ROBO2: variants seen among roughly 807,000 people sequenced by gnomAD.
The protein encoded by ROBO2 is roundabout homolog 2.
ROBO2 carries 53 observed loss-of-function variants against 160.8 expected under a neutral mutation model. The ratio of observed to expected loss-of-function variants is 0.33; its 90% confidence interval spans 0.26 to 0.41. The LOEUF (loss-of-function observed/expected upper bound fraction) is 0.41, where lower values mean the gene tolerates loss of function less well. Among genes scored for constraint, ROBO2 ranks in the 10% least tolerant of loss-of-function variants. The pLI is 1.00. For synonymous variants in ROBO2, 664 were observed against 611.7 expected (o/e 1.09, Z -1.26); for missense variants, 1,577 against 1,722.4 (o/e 0.92, Z 1.49).
At chr3:77,578,761 A>G (rs78996056) in intron 15 of ROBO2, among the ~76,000 whole-genome samples, 2,669 of 152,156 alleles carry the variant, frequency 0.018, 75 homozygotes, top group African/African-American at 0.061. Flanking sequence ...GTAACAAATT[A>G]TCTACTCTGT....
At chr3:77,180,435 T>TATATATATATATATATA (rs1491200828) in intron 2 of ROBO2, among the ~76,000 whole-genome samples, 10 of 63,926 alleles carry the variant, frequency 1.6e-4, no homozygotes, top group Non-Finnish European at 2.5e-4. Flanking sequence ...TATATATGTA[T>TATATATATATATATATA]TTTTTTTTTT....
intron 2 of ROBO2, among the ~76,000 whole-genome samples, chr3:76,811,193 A>G (rs1221364089): frequency 6.6e-6 from 1 of 152,146 alleles, no homozygotes; most frequent in Non-Finnish European, 1.5e-5. Flanking sequence ...GAAGTCCAGC[A>G]TTTGTGGTTG....
At chr3:76,189,594 C>T (rs987828874) in intron 2 of ROBO2, among the ~76,000 whole-genome samples, 12 of 152,040 alleles carry the variant, frequency 7.9e-5, no homozygotes, top group African/African-American at 2.9e-4. Context: ...AAGACATTCT[C>T]TTGTCTTAAG....
chr3:75,941,913 C>G (rs1948071879), intron 2 of ROBO2, among the ~76,000 whole-genome samples: 2 of 152,080 alleles, frequency 1.3e-5, no homozygotes, highest in Admixed American at 1.3e-4. Flanking sequence ...CAAGTTTTCT[C>G]TAGAGATATC....
At chr3:76,315,891 GC>G (rs2071979664) in intron 2 of ROBO2, among the ~76,000 whole-genome samples, 1 of 152,064 alleles carries the variant, frequency 6.6e-6, no homozygotes, top group Non-Finnish European at 1.5e-5. Context: ...CTAAGTGTCG[GC>G]CGGTCTGAGA....
chr3:76,515,754 C>T (rs2081319104), intron 2 of ROBO2, among the ~76,000 whole-genome samples: 1 of 152,162 alleles, frequency 6.6e-6, no homozygotes, highest in African/African-American at 2.4e-5. Flanking sequence ...AAGAAAACCA[C>T]TGAATGGATA....
intron 2 of ROBO2, among the ~76,000 whole-genome samples, chr3:76,143,381 C>T (rs1318796028): frequency 6.6e-6 from 1 of 151,950 alleles, no homozygotes; most frequent in Non-Finnish European, 1.5e-5. Flanking sequence ...ACCACTTTGT[C>T]CAGTGACATT....
chr3:77,235,833 C>T (rs1226825450), intron 2 of ROBO2, among the ~76,000 whole-genome samples: 1 of 152,132 alleles, frequency 6.6e-6, no homozygotes, highest in Non-Finnish European at 1.5e-5. Context: ...TTTCCCATAT[C>T]CTCTTCCCCC....
chr3:77,522,783 T>C (rs1431367998), exon 6 of ROBO2: 2 of 1,608,540 alleles, frequency 1.2e-6, no homozygotes, highest in Non-Finnish European at 8.5e-7. Context: ...AGGTATGACA[T>C]CAAAGACGAT....
At chr3:76,038,790 GTA>G (rs2067195497) in intron 2 of ROBO2, among the ~76,000 whole-genome samples, 5 of 107,102 alleles carry the variant, frequency 4.7e-5, no homozygotes, top group African/African-American at 2.4e-4. Context: ...GTGTGTGTGT[GTA>G]TGTATGTGTG....
intron 6 of ROBO2, among the ~76,000 whole-genome samples, chr3:77,538,688 C>A (rs1053962084): frequency 6.6e-6 from 1 of 152,058 alleles, no homozygotes; most frequent in Non-Finnish European, 1.5e-5. Flanking sequence ...AACAGAAAAT[C>A]TTTTGAAATC....
intron 2 of ROBO2, among the ~76,000 whole-genome samples, chr3:76,699,513 T>A (rs558449572): frequency 3.9e-5 from 6 of 152,284 alleles, no homozygotes; most frequent in Admixed American, 1.3e-4. Context: ...AAGATCCCCA[T>A]ATTGATATTA....
chr3:76,803,347 A>T (rs997181806), intron 2 of ROBO2, among the ~76,000 whole-genome samples: 2 of 151,872 alleles, frequency 1.3e-5, no homozygotes, highest in Non-Finnish European at 2.9e-5. Context: ...AAGGAGGAGG[A>T]GGAGAAGCGG....
chr3:76,313,669 T>C (rs1296492920), intron 2 of ROBO2, among the ~76,000 whole-genome samples: 1 of 152,160 alleles, frequency 6.6e-6, no homozygotes, highest in Non-Finnish European at 1.5e-5. Context: ...TACAAAACAA[T>C]CTTTAAAACA....
chr3:77,596,900 A>C (rs2094318256), intron 19 of ROBO2, 150 bp downstream of exon 20: 1 of 964,698 alleles, frequency 1.0e-6, no homozygotes. Flanking sequence ...AGTGTTGTAC[A>C]TTTGCTAAAT....
At chr3:76,738,401 G>C (rs932070022) in intron 2 of ROBO2, among the ~76,000 whole-genome samples, 1 of 152,122 alleles carries the variant, frequency 6.6e-6, no homozygotes, top group African/African-American at 2.4e-5. Context: ...ATAATATTTT[G>C]TTGTGGGAGG....
At chr3:77,383,655 T>C (rs2073792182) in intron 2 of ROBO2, among the ~76,000 whole-genome samples, 1 of 152,266 alleles carries the variant, frequency 6.6e-6, no homozygotes. Context: ...GGTAGATATA[T>C]TGATTTTAAC....
chr3:77,295,992 G>A (rs1427210840), intron 2 of ROBO2, among the ~76,000 whole-genome samples: 2 of 145,948 alleles, frequency 1.4e-5, no homozygotes, highest in African/African-American at 5.2e-5. Flanking sequence ...AAGTAAAATT[G>A]ATGGTTAAAC....
chr3:77,288,759 A>AAAT (rs78038075), intron 2 of ROBO2, among the ~76,000 whole-genome samples: 1,655 of 152,270 alleles, frequency 0.011, 21 homozygotes, highest in African/African-American at 0.03. Context: ...CTGGGGAAAA[A>AAAT]AAAGGAGACG....
Sources: allele counts gnomAD v4.1 joint callset (sites outside exome capture counted in the v4.1 genomes callset), GRCh38; gene constraint gnomAD v4.1.1; transcripts MANE v1.5; gene names NCBI Gene and HGNC (gene_info 2026-07-23, HGNC 2026-07-21).